The following FAIM2 variants were observed in gnomAD, a reference collection of about 807,000 sequenced individuals.
FAIM2 encodes Fas apoptotic inhibitory molecule 2.
Under a neutral mutation model 47.4 loss-of-function variants are expected in FAIM2, and 27 were observed. The ratio of observed to expected loss-of-function variants is 0.57; its 90% CI spans 0.42 to 0.78. The LOEUF (loss-of-function observed/expected upper bound fraction) is 0.78, where lower values mean the gene tolerates loss of function less well. FAIM2 is among the 30% of genes least tolerant of loss of function. The pLI is 0.00. For missense variants in FAIM2, 311 were observed against 389.4 expected, an observed-to-expected ratio of 0.80 and a Z score of 1.69; for synonymous variants, 156 against 159.3, an observed-to-expected ratio of 0.98 and a Z score of 0.16.
At chr12:49,877,768 A>C (rs1946746948) in intron 11 of FAIM2, among the ~76,000 whole-genome samples, 1 of 151,782 alleles carries the variant, frequency 6.6e-6, no homozygotes, top group Non-Finnish European at 1.5e-5. Context: ...GTATGTGCGT[A>C]TGTATATGTG....
At chr12:49,894,842 AG>A (rs1276303095) in intron 5 of FAIM2, among the ~76,000 whole-genome samples, 3 of 152,202 alleles carry the variant, frequency 2.0e-5, no homozygotes, top group African/African-American at 7.2e-5. Context: ...GGCTATTGAA[AG>A]ATCAAGTGAA....
At chr12:49,889,056 A>C in intron 10 of FAIM2, 51 bp downstream of exon 10, 1 of 1,400,044 alleles carries the variant, frequency 7.1e-7, no homozygotes. Context: ...ACCTTGGGCC[A>C]GTGGGGCCCC....
rs1272494320 is a variant in FAIM2, at chr12:49,901,052, C to T, written c.211+78G>A. 4 of 1,185,262 alleles carry T rather than the reference C, an allele frequency of 3.4e-6. No individual in the cohort carries two copies. In the African/African-American group the frequency reaches 6.4e-5, roughly 19 times the overall value. The allele number at this position is 1,185,262 out of a possible 1,614,324, so 73.4% of individuals were successfully genotyped here. A position where few individuals can be genotyped will look rare whatever the true frequency, so the allele number is the denominator to read the frequency against. On this transcript the variant is annotated intron_variant, in intron 2 of 11. Coordinates refer to ENST00000320634, the MANE Select transcript of FAIM2 (RefSeq NM_012306.4). The stretch of plus-strand genomic sequence containing the variant: ...ACACAGTGTACCTCTTTCTGGACAA[C>T]TTCCTCCTACTCAGGTTTTCCCTCT...
intron 5 of FAIM2, among the ~76,000 whole-genome samples, chr12:49,893,332 G>C (rs1946913554): frequency 6.6e-6 from 1 of 152,094 alleles, no homozygotes; most frequent in African/African-American, 2.4e-5. Context: ...GCTCCTGCTG[G>C]AAAGGACTGA....
At chr12:49,893,693 T>C (rs1946915998) in intron 5 of FAIM2, among the ~76,000 whole-genome samples, 1 of 152,200 alleles carries the variant, frequency 6.6e-6, no homozygotes, top group Non-Finnish European at 1.5e-5. Flanking sequence ...TCAGTGATTT[T>C]CAAATAATGA....
At chr12:49,888,388 G>A (rs1946875978) in intron 10 of FAIM2, among the ~76,000 whole-genome samples, 1 of 152,184 alleles carries the variant, frequency 6.6e-6, no homozygotes, top group Non-Finnish European at 1.5e-5. Flanking sequence ...AAAGGGCAGT[G>A]GGGGACTGTG....
At chr12:49,900,782 C>T (rs1484300330) in intron 2 of FAIM2, among the ~76,000 whole-genome samples, 1 of 152,114 alleles carries the variant, frequency 6.6e-6, no homozygotes. Context: ...GCCTCCTATG[C>T]CCCCTCCTTC....
chr12:49,880,048 G>GTA (rs1318537777), intron 11 of FAIM2, among the ~76,000 whole-genome samples: 2 of 147,684 alleles, frequency 1.4e-5, no homozygotes, highest in African/African-American at 5.0e-5. Flanking sequence ...ATATGCATGT[G>GTA]TATATATGTA....
At chr12:49,873,117 G>A (rs1946714295) in intron 11 of FAIM2, among the ~76,000 whole-genome samples, 1 of 152,206 alleles carries the variant, frequency 6.6e-6, no homozygotes, top group South Asian at 2.1e-4. Flanking sequence ...GAGGAGCCCT[G>A]CACGGGGTGC....
chr12:49,896,944 C>T (rs878990496), intron 5 of FAIM2, 87 bp downstream of exon 5: 31 of 1,093,368 alleles, frequency 2.8e-5, no homozygotes, highest in Middle Eastern at 2.4e-4. Context: ...GCTACGGGCT[C>T]AGATTAGGTC....
At chr12:49,871,707 C>A (rs1030407049) in intron 11 of FAIM2, among the ~76,000 whole-genome samples, 10 of 149,388 alleles carry the variant, frequency 6.7e-5, no homozygotes, top group Non-Finnish European at 1.2e-4. Flanking sequence ...GCTCTTGTTG[C>A]CCAGGTCGGA....
rs748824813 is a variant in FAIM2 at position 49,901,252 on chromosome 12, G to A, written c.89C>T (p.Ala30Val). ...QVHGEKKEAP[A>V]VPSAPPSYEE... ...ATAGGAGGGTGGGGCTGAGGGCACT[G>A]CTGGAGCCTCCTTCTTCTCGCCATG... Residue 30 changes from alanine (A) to valine (V), a missense_variant, in exon 2 of 12, where the codon GCA becomes GTA. By Grantham distance (64) the Ala-to-Val change is moderately conservative. Coordinates refer to ENST00000320634, the MANE Select transcript of FAIM2 (RefSeq NM_012306.4). 6.2e-7 allele frequency: 1 copy of A among 1,610,524 alleles called. No homozygotes were observed. Among genetic ancestry groups the A allele is most frequent in the Admixed American group, 1.7e-5 (1 of 59,670 alleles).
rs565812632 is a variant in FAIM2, at chr12:49,887,949, G to A, written c.748-510C>T. 5.3e-5 allele frequency among the ~76,000 whole-genome samples: 8 copies of A among 152,276 alleles called. No homozygotes were observed. In the East Asian group the frequency reaches 1.4e-3, roughly 26 times the overall value. Reference sequence around the variant, plus strand: ...GTCTCTGCCAGCTGTGCATGGTGGAGGAACAGCTGGAACAGCACAGGCTGG... The same window carrying A: ...GTCTCTGCCAGCTGTGCATGGTGGAAGAACAGCTGGAACAGCACAGGCTGG... On this transcript the variant is annotated intron_variant, in intron 10 of 11. Coordinates refer to ENST00000320634, the MANE Select transcript of FAIM2 (RefSeq NM_012306.4).
chr12:49,887,099 C>T lies in FAIM2; in HGVS notation c.801+287G>A, dbSNP rs542273510. ...CTCTCGCCCCCGCAAGCACCGCTGC[C>T]CCTCCCCTGGAGGAAGGGATGCCTC... On this transcript the variant is annotated intron_variant, in intron 11 of 11. Coordinates refer to ENST00000320634, the MANE Select transcript of FAIM2 (RefSeq NM_012306.4). 1.1e-4 allele frequency among the ~76,000 whole-genome samples: 17 copies of T among 152,198 alleles called. No individual in the cohort carries two copies. In the South Asian group the frequency reaches 3.5e-3, roughly 32 times the overall value.
Position 49,879,053 on chromosome 12 carries a change from T to C in FAIM2, c.801+8333A>G, listed in dbSNP as rs148044143. Among the ~76,000 whole-genome samples the C allele has an allele frequency of 2.9e-5, 4 of 136,088 alleles. 2 individuals are homozygous for C. Among genetic ancestry groups the C allele is most frequent in the Admixed American group, 1.6e-4 (2 of 12,232 alleles). The allele number at this position is 136,088 out of a possible 152,430, so 89.3% of individuals were successfully genotyped here. A position where few individuals can be genotyped will look rare whatever the true frequency, so the allele number is the denominator to read the frequency against. On this transcript the variant is annotated intron_variant, in intron 11 of 11. Coordinates refer to ENST00000320634, the MANE Select transcript of FAIM2 (RefSeq NM_012306.4). Reference sequence around the variant, plus strand: ...GTGTCTGTGTGCATGAGTTTGTGTATGTGCATGTATGTATATGTGCATGTG... The same window carrying C: ...GTGTCTGTGTGCATGAGTTTGTGTACGTGCATGTATGTATATGTGCATGTG...
In FAIM2 at chr12:49,878,938, ATGTG is replaced by A. The variant is rs1374743342; in HGVS notation, c.802-8289_802-8286del. ...AGTGCATGTGTGTATATGTGCATGCATGTGTGTATGTTCATGTGTATATGTGCGT... is the reference window on the plus strand; with the variant it reads ...AGTGCATGTGTGTATATGTGCATGCATGTATGTTCATGTGTATATGTGCGT... On this transcript the variant is annotated intron_variant, in intron 11 of 11. Coordinates refer to ENST00000320634, the MANE Select transcript of FAIM2 (RefSeq NM_012306.4). Among the ~76,000 whole-genome samples the A allele has an allele frequency of 7.5e-5, 10 of 132,532 alleles. 1 individual carries two copies. Among genetic ancestry groups the A allele is most frequent in the South Asian group, 2.7e-4 (1 of 3,758 alleles). The allele number at this position is 132,532 out of a possible 152,430, so 86.9% of individuals were successfully genotyped here. A position where few individuals can be genotyped will look rare whatever the true frequency, so the allele number is the denominator to read the frequency against.
intron 10 of FAIM2, 57 bp from the exon 11 acceptor site, chr12:49,887,496 G>T: frequency 6.9e-7 from 1 of 1,458,156 alleles, no homozygotes; most frequent in Non-Finnish European, 9.5e-7. Flanking sequence ...AGTCAGAGGG[G>T]CAGGGAGGAG....
At chr12:49,878,718 G>GTGTA (rs200044837) in intron 11 of FAIM2, among the ~76,000 whole-genome samples, 32,878 of 119,692 alleles carry the variant, frequency 0.27, 9,203 homozygotes, top group African/African-American at 0.61. Flanking sequence ...ATATATGCGT[G>GTGTA]TGTGTCTGTG....
chr12:49,889,390 C>T, intron 9 of FAIM2, 91 bp downstream of exon 9: 1 of 1,250,004 alleles, frequency 8.0e-7, no homozygotes, highest in Non-Finnish European at 1.2e-6. Flanking sequence ...TCTCCCCAGC[C>T]CCAGGTCCGA....
Sources: gnomAD v4.1 joint callset for allele counts (sites outside exome capture counted in the v4.1 genomes callset) on GRCh38, gnomAD v4.1.1 for gene constraint, MANE v1.5 for transcripts, NCBI Gene and HGNC (gene_info 2026-07-23, HGNC 2026-07-21) for gene names.